NUBP1: variants seen among roughly 807,000 people sequenced by gnomAD.
The protein encoded by NUBP1 is NUBP iron-sulfur cluster assembly factor 1, cytosolic.
A neutral mutation model predicts 41.8 loss-of-function variants in NUBP1; 46 were observed. The ratio of observed to expected loss-of-function variants is 1.10; its 90% CI spans 0.87 to 1.41. NUBP1 has a LOEUF of 1.41. Among genes scored for constraint, NUBP1 ranks in the 40% most tolerant of loss-of-function variants. The pLI, the probability that NUBP1 is intolerant of heterozygous loss-of-function variation, is 0.00. For synonymous variants in NUBP1, 189 were observed against 154.6 expected (o/e 1.22, Z -1.65); for missense variants, 494 against 414.0 (o/e 1.19, Z -1.68).
At position 10,766,360 on chromosome 16, in the gene NUBP1, C is replaced by A. The variant is rs1248334717; in HGVS notation, c.821-1589C>A. 6.6e-6 allele frequency among the ~76,000 whole-genome samples: 1 copy of A among 152,138 alleles called. No individual in the cohort carries two copies. Among genetic ancestry groups the A allele is most frequent in the African/African-American group, 2.4e-5 (1 of 41,400 alleles). ...CAGGGCTGTGCTCACACCAGCTGTT[C>A]TGATAATGCTGCCCGTTCTTGGAGA... On this transcript the variant is annotated intron_variant, in intron 9 of 10. Coordinates refer to ENST00000283027, the MANE Select transcript of NUBP1 (RefSeq NM_002484.4). This position sits in a 1 kb window ranked among gnomAD's most constrained non-coding sequence, Gnocchi z 4.8.
In NUBP1 at chr16:10,744,077, G is replaced by T; in HGVS notation, c.124+12G>T. The T allele has an allele frequency of 1.9e-6, 3 of 1,560,830 alleles. No individual in the cohort carries two copies. Among genetic ancestry groups the T allele is most frequent in the Non-Finnish European group, 2.6e-6 (3 of 1,159,904 alleles). ...CACTCCGGACACGGGTGAGAAAAGG[G>T]CAAGGCCTCAACAGGAACTTAGAGG... On this transcript the variant is annotated intron_variant, in intron 2 of 10. Transcript: ENST00000283027.
Position 10,743,897 on chromosome 16 carries a change from G to A in NUBP1, c.19+15G>A. On this transcript the variant is annotated intron_variant, in intron 1 of 10. Coordinates refer to ENST00000283027, the MANE Select transcript of NUBP1 (RefSeq NM_002484.4). ...GGTGCCTCACGGTAAGCTCGCGGAG[G>A]GGGCGTGGGTCGCGGGGCGAAAGTG... 2 of 1,572,190 alleles carry A rather than the reference G, an allele frequency of 1.3e-6. No individual in the cohort carries two copies. Among genetic ancestry groups the A allele is most frequent in the Non-Finnish European group, 1.7e-6 (2 of 1,160,748 alleles).
rs762683762 is a variant in NUBP1 at position 10,767,076 on chromosome 16, C to A, written c.821-873C>A. 12 of 398,680 alleles carry A rather than the reference C, an allele frequency of 3.0e-5. No homozygotes were observed. Among genetic ancestry groups the A allele is most frequent in the Non-Finnish European group, 5.3e-5 (12 of 226,194 alleles). The allele number at this position is 398,680 out of a possible 1,614,324, so 24.7% of individuals were successfully genotyped here. On this transcript the variant is annotated intron_variant, in intron 9 of 10. Transcript: ENST00000283027. The surrounding 1 kb of genome is among the most constrained non-coding windows in gnomAD (Gnocchi z 4.6). ...GGAAATGATGAGTGCTAGGTAGGAA[C>A]CCCTCCTGGGGTTCACCTGAGGCTG...
chr16:10,753,101 GT>G (rs1466505563), intron 4 of NUBP1, among the ~76,000 whole-genome samples: 1 of 141,706 alleles, frequency 7.1e-6, no homozygotes, highest in East Asian at 2.0e-4. Context: ...GCCTGTAAAT[GT>G]TTATGTGGAC....
chr16:10,748,946 C>T (rs892067704), intron 3 of NUBP1, among the ~76,000 whole-genome samples: 3 of 151,984 alleles, frequency 2.0e-5, no homozygotes, highest in African/African-American at 7.3e-5. Flanking sequence ...CAAAAATTAG[C>T]TGGGCATGGT....
rs533208449 is a variant in NUBP1, at chr16:10,765,327, TAAAAA to T, written c.821-2604_821-2600del. 9.0e-5 allele frequency among the ~76,000 whole-genome samples: 10 copies of T among 111,270 alleles called. No individual in the cohort carries two copies. The highest frequency in any genetic ancestry group is 3.2e-4 in the Admixed American group (3 of 9,480). The allele number at this position is 111,270 out of a possible 152,430, so 73.0% of individuals were successfully genotyped here. On this transcript the variant is annotated intron_variant, in intron 9 of 10. Coordinates refer to ENST00000283027, the MANE Select transcript of NUBP1 (RefSeq NM_002484.4). The surrounding 1 kb of genome is among the most constrained non-coding windows in gnomAD (Gnocchi z 4.0). ...TAACACAGGAAGATACCTCATCTCT[TAAAAA>T]AAAAAAAAAAAAAAAAAGGAAAAAA...
At chr16:10,764,107 G>T (rs751171157) in intron 9 of NUBP1, among the ~76,000 whole-genome samples, 40 of 152,008 alleles carry the variant, frequency 2.6e-4, no homozygotes, top group Non-Finnish European at 5.3e-4. Context: ...TCAGCCCACA[G>T]GAGTATCTCA....
chr16:10,746,756 A>C (rs940267881), intron 2 of NUBP1, among the ~76,000 whole-genome samples: 2 of 152,068 alleles, frequency 1.3e-5, no homozygotes, highest in African/African-American at 4.8e-5. Flanking sequence ...AAAAGAAAGA[A>C]AGAACAGTGT....
chr16:10,749,263 C>T lies in NUBP1; in HGVS notation c.258+1987C>T, dbSNP rs1234829130. 1.3e-5 allele frequency among the ~76,000 whole-genome samples: 2 copies of T among 152,070 alleles called. No homozygotes were observed. The highest frequency in any genetic ancestry group is 2.9e-5 in the Non-Finnish European group (2 of 68,010). ...GGGCTGGCCAAGAAATCTGCTTTCT[C>T]AGATTGTCTGTATCGTTTAGAAGAA... is the stretch of plus-strand genomic sequence containing the variant. On this transcript the variant is annotated intron_variant, in intron 3 of 10. Coordinates refer to ENST00000283027, the MANE Select transcript of NUBP1 (RefSeq NM_002484.4). The surrounding 1 kb of genome is among the most constrained non-coding windows in gnomAD (Gnocchi z 4.1).
chr16:10,755,372 C>T (rs751326480), intron 4 of NUBP1, among the ~76,000 whole-genome samples: 23 of 152,176 alleles, frequency 1.5e-4, no homozygotes, highest in Non-Finnish European at 3.2e-4. Flanking sequence ...CACCTCATTG[C>T]TCCACAGGTA....
At chr16:10,764,065 C>G (rs1489922706) in intron 9 of NUBP1, among the ~76,000 whole-genome samples, 1 of 151,360 alleles carries the variant, frequency 6.6e-6, no homozygotes, top group Non-Finnish European at 1.5e-5. Context: ...AGCATCTCAG[C>G]CCACTGGAGC....
chr16:10,750,386 C>T (rs1596451760), intron 3 of NUBP1, among the ~76,000 whole-genome samples: 2 of 152,298 alleles, frequency 1.3e-5, no homozygotes, highest in Non-Finnish European at 1.5e-5. Flanking sequence ...GGATTACAGG[C>T]GTGTGCCACC....
At chr16:10,755,233 G>T (rs906174193) in intron 4 of NUBP1, among the ~76,000 whole-genome samples, 4 of 152,160 alleles carry the variant, frequency 2.6e-5, no homozygotes, top group Admixed American at 1.3e-4. Context: ...GACACCTGCT[G>T]GGGGGAAGAG....
In NUBP1 at chr16:10,759,402, G is replaced by A. The variant is rs1900789710; in HGVS notation, c.606+1375G>A. On this transcript the variant is annotated intron_variant, in intron 7 of 10. Transcript: ENST00000283027. This position sits in a 1 kb window ranked among gnomAD's most constrained non-coding sequence, Gnocchi z 4.7. The stretch of plus-strand genomic sequence containing the variant: ...CACCAGCTGGGACCCTGGACAGGAG[G>A]GAGGATGGCCTGGCCCGGGTGATGG... Among the ~76,000 whole-genome samples the A allele has an allele frequency of 6.6e-6, 1 of 152,248 alleles. No individual in the cohort carries two copies. Among genetic ancestry groups the A allele is most frequent in the South Asian group, 2.1e-4 (1 of 4,836 alleles).
chr16:10,763,034 A>G (rs1596469905), intron 9 of NUBP1, among the ~76,000 whole-genome samples: 1 of 152,186 alleles, frequency 6.6e-6, no homozygotes, highest in African/African-American at 2.4e-5. Context: ...GAAGGGACAC[A>G]CACAAGAGAG....
At chr16:10,751,868 T>C (rs984418582) in intron 3 of NUBP1, among the ~76,000 whole-genome samples, 2 of 152,208 alleles carry the variant, frequency 1.3e-5, no homozygotes, top group Non-Finnish European at 2.9e-5. Context: ...AGGCCCGTGG[T>C]GTACTGGAAA....
Position 10,768,996 on chromosome 16 carries a change from C to T in NUBP1, c.905-51C>T, listed in dbSNP as rs2031303412. 2 of 1,540,992 alleles carry T rather than the reference C, an allele frequency of 1.3e-6. No individual in the cohort carries two copies. Among genetic ancestry groups the T allele is most frequent in the East Asian group, 4.5e-5 (2 of 44,526 alleles). ...CCTCCCCAGCACAGGACAGGGCTGT[C>T]AAGGGGTAGACAAGCCATTAGCACT... On this transcript the variant is annotated intron_variant, in intron 10 of 10. Coordinates refer to ENST00000283027, the MANE Select transcript of NUBP1 (RefSeq NM_002484.4). This position sits in a 1 kb window ranked among gnomAD's most constrained non-coding sequence, Gnocchi z 4.3.
In NUBP1 at chr16:10,768,936, C is replaced by G. The variant is rs568269318; in HGVS notation, c.905-111C>G. On this transcript the variant is annotated intron_variant, in intron 10 of 10. Coordinates refer to ENST00000283027, the MANE Select transcript of NUBP1 (RefSeq NM_002484.4). This position sits in a 1 kb window ranked among gnomAD's most constrained non-coding sequence, Gnocchi z 4.3. ...CACAGACACAGGTCTTTTTATGGAACTAGCCAGAGGATTCCACCCCTGTCA... is the reference window on the plus strand; with the variant it reads ...CACAGACACAGGTCTTTTTATGGAAGTAGCCAGAGGATTCCACCCCTGTCA... 1.1e-6 allele frequency: 1 copy of G among 905,848 alleles called. No homozygotes were observed. Among genetic ancestry groups the G allele is most frequent in the African/African-American group, 1.7e-5 (1 of 59,934 alleles). The allele number at this position is 905,848 out of a possible 1,614,324, so 56.1% of individuals were successfully genotyped here.
chr16:10,752,020 A>G (rs1084549), intron 3 of NUBP1, among the ~76,000 whole-genome samples: 37,643 of 152,142 alleles, frequency 0.25, 5,008 homozygotes, highest in South Asian at 0.35. Context: ...TGGCCGCCTC[A>G]GCCTCCCAAA....
Sources: gnomAD v4.1 joint callset for allele counts (sites outside exome capture counted in the v4.1 genomes callset) on GRCh38, gnomAD v4.1.1 for gene constraint, Gnocchi (gnomAD v3.1) non-coding constraint, MANE v1.5 for transcripts, NCBI Gene and HGNC (gene_info 2026-07-23, HGNC 2026-07-21) for gene names.